The following TMEM108 variants were observed in gnomAD, a reference collection of about 807,000 sequenced individuals.
TMEM108 encodes the protein cancer/testis antigen 124.
In TMEM108, 12 loss-of-function variants were observed where a neutral mutation model predicts 35.1. The ratio of observed to expected loss-of-function variants is 0.34; its 90% CI spans 0.22 to 0.55. The LOEUF (loss-of-function observed/expected upper bound fraction) is 0.55. TMEM108 is among the 20% of genes least tolerant of loss of function. The pLI, the probability that TMEM108 is intolerant of heterozygous loss-of-function variation, is 0.89. For missense variants in TMEM108, 680 were observed against 753.3 expected (o/e 0.90, Z 1.14); for synonymous variants, 287 against 308.6 (o/e 0.93, Z 0.73).
intron 2 of TMEM108, among the ~76,000 whole-genome samples, chr3:133,132,107 A>G (rs1576335871): frequency 6.6e-6 from 1 of 152,322 alleles, no homozygotes; most frequent in East Asian, 1.9e-4. Flanking sequence ...AGCCATCTCC[A>G]TAACAGAAAA....
chr3:133,337,431 G>A (rs1376130986), intron 3 of TMEM108, among the ~76,000 whole-genome samples: 1 of 152,184 alleles, frequency 6.6e-6, no homozygotes, highest in Admixed American at 6.5e-5. Context: ...AATTCTTTCA[G>A]ATCTTATCCA....
intron 3 of TMEM108, among the ~76,000 whole-genome samples, chr3:133,376,456 C>A (rs910690810): frequency 6.6e-6 from 1 of 152,168 alleles, no homozygotes; most frequent in Non-Finnish European, 1.5e-5. Context: ...AATTTTAACT[C>A]CAGCTGTTGC....
At chr3:133,189,418 C>A (rs763723593) in intron 2 of TMEM108, among the ~76,000 whole-genome samples, 12 of 152,102 alleles carry the variant, frequency 7.9e-5, no homozygotes, top group Non-Finnish European at 1.2e-4. Context: ...TCATTATATA[C>A]ACATGGGAAG....
intron 3 of TMEM108, among the ~76,000 whole-genome samples, chr3:133,272,354 C>G (rs1946785006): frequency 6.7e-6 from 1 of 150,118 alleles, no homozygotes; most frequent in African/African-American, 2.5e-5. Flanking sequence ...GAATAGACTT[C>G]TAGGAACTTC....
intron 3 of TMEM108, chr3:133,248,544 C>T (rs1576410376): frequency 1.3e-5 from 2 of 152,148 alleles, no homozygotes; most frequent in East Asian, 1.9e-4. Context: ...TTGCAGTATG[C>T]TTTATCTTGT....
At chr3:133,179,789 T>A (rs1945302630) in intron 2 of TMEM108, among the ~76,000 whole-genome samples, 1 of 151,422 alleles carries the variant, frequency 6.6e-6, no homozygotes, top group Admixed American at 6.6e-5. Flanking sequence ...ACATGTACCG[T>A]AAAACTTAAA....
intron 2 of TMEM108, chr3:133,125,273 A>G (rs1440929734): frequency 6.6e-6 from 1 of 152,192 alleles, no homozygotes; most frequent in African/African-American, 2.4e-5. Context: ...ATAGGGGGAA[A>G]AGGCACAGTT....
At chr3:133,058,071 AT>A (rs201603548) in intron 2 of TMEM108, among the ~76,000 whole-genome samples, 5 of 145,046 alleles carry the variant, frequency 3.4e-5, no homozygotes, top group Admixed American at 2.1e-4. Context: ...AGCACGTTGG[AT>A]TTTTTTTTAA....
chr3:133,171,114 C>T (rs1015620703), intron 2 of TMEM108, among the ~76,000 whole-genome samples: 7 of 152,138 alleles, frequency 4.6e-5, no homozygotes, highest in African/African-American at 1.7e-4. Flanking sequence ...GATAATTCAC[C>T]ACCAGATAGA....
intron 2 of TMEM108, among the ~76,000 whole-genome samples, chr3:133,108,738 C>T (rs986003649): frequency 2.0e-5 from 3 of 150,086 alleles, no homozygotes; most frequent in Non-Finnish European, 4.4e-5. Context: ...ATCGCAAGGA[C>T]GAAAAACCAA....
chr3:133,049,778 T>C (rs1242795862), intron 2 of TMEM108, among the ~76,000 whole-genome samples: 1 of 152,194 alleles, frequency 6.6e-6, no homozygotes, highest in Non-Finnish European at 1.5e-5. Context: ...GTGTCTCTTT[T>C]GATACTGCCT....
chr3:133,325,526 C>A (rs2071320491), intron 3 of TMEM108, among the ~76,000 whole-genome samples: 2 of 151,978 alleles, frequency 1.3e-5, no homozygotes, highest in Non-Finnish European at 2.9e-5. Flanking sequence ...AATATTTGCA[C>A]CTTATTCAGA....
chr3:133,112,929 T>G (rs1053144735), intron 2 of TMEM108, among the ~76,000 whole-genome samples: 1 of 152,132 alleles, frequency 6.6e-6, no homozygotes, highest in Non-Finnish European at 1.5e-5. Context: ...ATTTAAAAAC[T>G]TTGTCAATAA....
intron 2 of TMEM108, among the ~76,000 whole-genome samples, chr3:133,173,967 G>T (rs1945169661): frequency 6.6e-6 from 1 of 152,184 alleles, no homozygotes; most frequent in East Asian, 1.9e-4. Flanking sequence ...GGAAAATCGG[G>T]TCACTCCCAC....
chr3:133,320,767 C>G (rs983655683), intron 3 of TMEM108, among the ~76,000 whole-genome samples: 1 of 152,120 alleles, frequency 6.6e-6, no homozygotes, highest in Non-Finnish European at 1.5e-5. Context: ...AGCTGTGAGG[C>G]AAAGTCATCA....
chr3:133,264,410 A>G (rs1298696575), intron 3 of TMEM108, among the ~76,000 whole-genome samples: 1 of 152,230 alleles, frequency 6.6e-6, no homozygotes, highest in Non-Finnish European at 1.5e-5. Context: ...GCTCATGAGC[A>G]GGAGCCACAT....
At chr3:133,387,700 C>T in intron 4 of TMEM108, 1 of 641,306 alleles carries the variant, frequency 1.6e-6, no homozygotes, top group Non-Finnish European at 1.9e-6. Flanking sequence ...TACTGTGCAC[C>T]AGGGACAATT....
intron 2 of TMEM108, among the ~76,000 whole-genome samples, chr3:133,061,672 A>G (rs577179214): frequency 5.3e-4 from 80 of 152,340 alleles, no homozygotes; most frequent in Middle Eastern, 3.4e-3. Context: ...TATGCCCTAT[A>G]AAACTAGGGG....
At chr3:133,076,951 T>A (rs1943749432) in intron 2 of TMEM108, among the ~76,000 whole-genome samples, 1 of 152,206 alleles carries the variant, frequency 6.6e-6, no homozygotes, top group South Asian at 2.1e-4. Flanking sequence ...AGTTACCACA[T>A]CAAAGCCAGA....
Sources: gnomAD v4.1 joint callset for allele counts (sites outside exome capture counted in the v4.1 genomes callset) on GRCh38, gnomAD v4.1.1 for gene constraint, MANE v1.5 for transcripts, NCBI Gene and HGNC (gene_info 2026-07-23, HGNC 2026-07-21) for gene names.